Variants in ZNF462 observed in about 807,000 individuals in gnomAD.
ZNF462 encodes the protein zinc finger protein 462, also known as zinc finger PBX1-interacting protein.
Under a neutral mutation model 201.9 loss-of-function variants are expected in ZNF462, and 10 were observed. The ratio of observed to expected loss-of-function variants is 0.05; its 90% confidence interval spans 0.03 to 0.08. The LOEUF (loss-of-function observed/expected upper bound fraction) is 0.08. Ranked by LOEUF, ZNF462 falls within the 10% of genes least tolerant of loss-of-function variation. ZNF462 has a pLI of 1.00. For synonymous variants in ZNF462, 1,227 were observed against 1,193.3 expected (o/e 1.03, Z -0.58); for missense variants, 2,523 against 3,168.3 (o/e 0.80, Z 4.89).
chr9:106,864,038 G>GGCGCTC, intron 1 of ZNF462, among the ~76,000 whole-genome samples: 1 of 55,386 alleles, frequency 1.8e-5, no homozygotes, highest in African/African-American at 5.7e-5. Context: ...TCAGGTATTT[G>GGCGCTC]GCTCTCTCTC....
At chr9:106,996,492 T>C (rs1828742745) in intron 10 of ZNF462, among the ~76,000 whole-genome samples, 1 of 152,168 alleles carries the variant, frequency 6.6e-6, no homozygotes. Flanking sequence ...CCTGACTTTT[T>C]AATGATCGCC....
In ZNF462 at chr9:106,905,332, T is replaced by C. The variant is rs985979856; in HGVS notation, c.-30-18022T>C. On this transcript the variant is annotated intron_variant, in intron 1 of 12. Coordinates refer to ENST00000277225, the MANE Select transcript of ZNF462 (RefSeq NM_021224.6). This position sits in a 1 kb window ranked among gnomAD's most constrained non-coding sequence, Gnocchi z 5.9. Reference sequence around the variant, plus strand: ...ACCTGTTCTGGTGGAGGTGGCAGAGTGTGCAATGGACTCTCTGAGGGTCCT... The same window carrying C: ...ACCTGTTCTGGTGGAGGTGGCAGAGCGTGCAATGGACTCTCTGAGGGTCCT... Among the ~76,000 whole-genome samples, 9 of 152,066 alleles carry C rather than the reference T, an allele frequency of 5.9e-5. No individual in the cohort carries two copies. In the East Asian group the frequency reaches 1.5e-3, roughly 26 times the overall value.
intron 1 of ZNF462, among the ~76,000 whole-genome samples, chr9:106,868,073 T>TG (rs1186486576): frequency 1.9e-4 from 3 of 15,492 alleles, no homozygotes; most frequent in African/African-American, 9.5e-4. Context: ...TCCAGTGAAC[T>TG]GAAAAAAAAA....
intron 7 of ZNF462, among the ~76,000 whole-genome samples, chr9:106,969,553 A>G (rs901561048): frequency 6.6e-6 from 1 of 152,152 alleles, no homozygotes; most frequent in South Asian, 2.1e-4. Context: ...GAGTGCATTC[A>G]TCTGGCTTAT....
At chr9:106,879,323 A>C (rs1827977822) in intron 1 of ZNF462, among the ~76,000 whole-genome samples, 1 of 107,680 alleles carries the variant, frequency 9.3e-6, no homozygotes, top group African/African-American at 4.2e-5. Flanking sequence ...GCCTAGAGAG[A>C]TGCTTTCCAC....
In ZNF462 at chr9:106,923,455, G is replaced by A; in HGVS notation, c.72G>A (p.Gln24=). ...PSYEDLKAHI[Q]DVHTAFLQPT... is the part of the protein sequence containing the mutation. ...ATGAAGATCTCAAGGCACACATTCAGGATGTCCACACGGCATTTCTGCAGC... is the reference window on the plus strand; with the variant it reads ...ATGAAGATCTCAAGGCACACATTCAAGATGTCCACACGGCATTTCTGCAGC... Residue 24 remains glutamine (Q), a synonymous_variant, in exon 2 of 13, where the codon CAG becomes CAA. Transcript: ENST00000277225. This position sits in a 1 kb window ranked among gnomAD's most constrained non-coding sequence, Gnocchi z 5.6. 1 of 1,614,198 alleles carries A rather than the reference G, an allele frequency of 6.2e-7. No homozygotes were observed. Among genetic ancestry groups the A allele is most frequent in the Non-Finnish European group, 8.5e-7 (1 of 1,180,048 alleles).
chr9:106,952,686 A>G (rs1338465759), intron 7 of ZNF462, among the ~76,000 whole-genome samples: 1 of 152,206 alleles, frequency 6.6e-6, no homozygotes, highest in Non-Finnish European at 1.5e-5. Flanking sequence ...TCATTACTAT[A>G]ATTATTACTG....
chr9:106,998,109 C>T (rs987168254), intron 10 of ZNF462, among the ~76,000 whole-genome samples: 3 of 152,162 alleles, frequency 2.0e-5, no homozygotes, highest in Non-Finnish European at 2.9e-5. Flanking sequence ...TCAAAATCTT[C>T]ACAGCGCTGC....
At position 106,876,761 on chromosome 9, in the gene ZNF462, T is replaced by C. The variant is rs1436574715; in HGVS notation, c.-31+13406T>C. ...TGAGCTTTTCAGAAGAAAGATGTTATTACTGTTCCTATTGTTTGGCATCAT... is the reference window on the plus strand; with the variant it reads ...TGAGCTTTTCAGAAGAAAGATGTTACTACTGTTCCTATTGTTTGGCATCAT... On this transcript the variant is annotated intron_variant, in intron 1 of 12. Transcript: ENST00000277225. This position sits in a 1 kb window ranked among gnomAD's most constrained non-coding sequence, Gnocchi z 4.9. Among the ~76,000 whole-genome samples, 1 of 152,214 alleles carries C rather than the reference T, an allele frequency of 6.6e-6. No individual in the cohort carries two copies. The highest frequency in any genetic ancestry group is 2.4e-5 in the African/African-American group (1 of 41,458).
chr9:106,899,698 T>C (rs1828974651), intron 1 of ZNF462, among the ~76,000 whole-genome samples: 1 of 152,112 alleles, frequency 6.6e-6, no homozygotes, highest in Non-Finnish European at 1.5e-5. Flanking sequence ...TGTTCCAGAG[T>C]TGACATTTTT....
intron 1 of ZNF462, among the ~76,000 whole-genome samples, chr9:106,863,579 A>AGGAGGAGGAGAAGCGAG (rs1827152249): frequency 6.7e-6 from 1 of 149,900 alleles, no homozygotes; most frequent in Non-Finnish European, 1.5e-5. Flanking sequence ...GAGGAGGAAG[A>AGGAGGAGGAGAAGCGAG]GGAGGAGGAG....
chr9:107,005,086 A>G lies in ZNF462; in HGVS notation c.7189+1660A>G, dbSNP rs901214418. On this transcript the variant is annotated intron_variant, in intron 11 of 12. Coordinates refer to ENST00000277225, the MANE Select transcript of ZNF462 (RefSeq NM_021224.6). The surrounding 1 kb of genome is among the most constrained non-coding windows in gnomAD (Gnocchi z 4.4). Reference sequence around the variant, plus strand: ...GGTGAATAGTATTTCATGTGTGTATATACCACATTTTCTTTATCCATTCAT... The same window carrying G: ...GGTGAATAGTATTTCATGTGTGTATGTACCACATTTTCTTTATCCATTCAT... Among the ~76,000 whole-genome samples the G allele has an allele frequency of 6.6e-6, 1 of 152,172 alleles. No individual in the cohort carries two copies. Among genetic ancestry groups the G allele is most frequent in the African/African-American group, 2.4e-5 (1 of 41,470 alleles).
chr9:106,941,561 G>T (rs1381069754), intron 7 of ZNF462, among the ~76,000 whole-genome samples: 1 of 152,216 alleles, frequency 6.6e-6, no homozygotes, highest in Non-Finnish European at 1.5e-5. Flanking sequence ...AAAGCTCTGT[G>T]TGGTAACTAT....
In ZNF462 at chr9:107,009,455, G is replaced by GT; in HGVS notation, c.7190-89dup. 6.5e-7 allele frequency: 1 copy of GT among 1,539,650 alleles called. No homozygotes were observed. Among genetic ancestry groups the GT allele is most frequent in the East Asian group, 2.3e-5 (1 of 43,836 alleles). Reference sequence around the variant, plus strand: ...TCACCACATGGCTTTATCAGTGAAGGTAGGAGAGAGGGTATCCTAATGAAT... The same window carrying GT: ...TCACCACATGGCTTTATCAGTGAAGGTTAGGAGAGAGGGTATCCTAATGAAT... On this transcript the variant is annotated intron_variant, in intron 11 of 12. Transcript: ENST00000277225. The surrounding 1 kb of genome is among the most constrained non-coding windows in gnomAD (Gnocchi z 6.1).
At position 106,925,560 on chromosome 9, in the gene ZNF462, C is replaced by T. The variant is rs200388230; in HGVS notation, c.1648C>T (p.Pro550Ser). The change falls in exon 3 of 13, where the codon CCG (proline) becomes TCG (serine). Residue 550 changes from proline to serine, a missense_variant. Physicochemically the swap from Pro to Ser is moderately conservative, Grantham distance 74. Coordinates refer to ENST00000277225, the MANE Select transcript of ZNF462 (RefSeq NM_021224.6). This position sits in a 1 kb window ranked among gnomAD's most constrained non-coding sequence, Gnocchi z 7.9. The part of the protein sequence containing the change: ...QQPPQPPPPP[P>S]PPPPSQPQPL... ...GCCACCGCAGCCACCACCACCGCCG[C>T]CGCCACCACCACCATCACAGCCACA... 189 of 1,612,558 alleles carry T rather than the reference C, an allele frequency of 1.2e-4. No individual in the cohort carries two copies. Among genetic ancestry groups the T allele is most frequent in the Non-Finnish European group, 1.5e-4 (171 of 1,179,288 alleles).
chr9:106,882,722 C>T (rs1235673204), intron 1 of ZNF462, among the ~76,000 whole-genome samples: 3 of 152,092 alleles, frequency 2.0e-5, no homozygotes, highest in African/African-American at 7.2e-5. Context: ...CTCGAATATT[C>T]AGTGATTCAA....
intron 1 of ZNF462, among the ~76,000 whole-genome samples, chr9:106,871,348 T>C (rs1827582141): frequency 6.6e-6 from 1 of 152,142 alleles, no homozygotes; most frequent in Non-Finnish European, 1.5e-5. Flanking sequence ...ATAGACAAGG[T>C]TGTTAAAGCT....
At chr9:106,869,765 A>C (rs1030213414) in intron 1 of ZNF462, among the ~76,000 whole-genome samples, 4 of 152,208 alleles carry the variant, frequency 2.6e-5, no homozygotes, top group African/African-American at 7.2e-5. Flanking sequence ...AAGAAAAAAA[A>C]GTTTGGGTTG....
At chr9:106,944,353 A>G (rs1194246794) in intron 7 of ZNF462, among the ~76,000 whole-genome samples, 1 of 152,200 alleles carries the variant, frequency 6.6e-6, no homozygotes, top group African/African-American at 2.4e-5. Context: ...TTAAAACAAT[A>G]TATTGGTTAG....
Sources: allele counts gnomAD v4.1 joint callset (sites outside exome capture counted in the v4.1 genomes callset), GRCh38; gene constraint gnomAD v4.1.1; non-coding constraint Gnocchi (gnomAD v3.1); transcripts MANE v1.5; gene names NCBI Gene and HGNC (gene_info 2026-07-23, HGNC 2026-07-21).